Variants in QPCT observed in about 807,000 individuals in gnomAD.
QPCT encodes the protein EC.
Under a neutral mutation model 43.4 loss-of-function variants are expected in QPCT, and 44 were observed. The observed-to-expected ratio is 1.01, with a 90% confidence interval of 0.80 to 1.30. The LOEUF (loss-of-function observed/expected upper bound fraction) is 1.30, where lower values mean the gene tolerates loss of function less well. QPCT is among the 50% of genes most tolerant of loss of function. The pLI is 0.00. For missense variants in QPCT, 526 were observed against 436.5 expected (o/e 1.21, Z -1.83); for synonymous variants, 168 against 168.4 (o/e 1.00, Z 0.02).
chr2:37,356,235 C>T (rs1035658541), intron 2 of QPCT, among the ~76,000 whole-genome samples: 1 of 152,082 alleles, frequency 6.6e-6, no homozygotes, highest in Non-Finnish European at 1.5e-5. Flanking sequence ...CTTGTAACAG[C>T]CTCTCTCTCG....
At chr2:37,372,321 T>C (rs748722633) in intron 5 of QPCT, 35 bp from the exon 6 acceptor site, 1 of 1,387,206 alleles carries the variant, frequency 7.2e-7, no homozygotes, top group Non-Finnish European at 1.0e-6. Context: ...AAGATAAAAA[T>C]AGTTGTTCAT....
chr2:37,372,100 T>G (rs1673087995), intron 5 of QPCT, among the ~76,000 whole-genome samples: 1 of 152,108 alleles, frequency 6.6e-6, no homozygotes, highest in African/African-American at 2.4e-5. Flanking sequence ...TTCTGTGGAG[T>G]TTCTACCTCT....
intron 1 of QPCT, among the ~76,000 whole-genome samples, chr2:37,346,053 C>T (rs1179186821): frequency 6.6e-6 from 1 of 152,192 alleles, no homozygotes; most frequent in African/African-American, 2.4e-5. Flanking sequence ...AGACCTTTTA[C>T]ACACTTAGAG....
chr2:37,372,047 A>C (rs868183676), intron 5 of QPCT, among the ~76,000 whole-genome samples: 3 of 151,780 alleles, frequency 2.0e-5, no homozygotes, highest in Non-Finnish European at 2.9e-5. Context: ...GTCCCCTTCC[A>C]CCCACCTGTC....
In QPCT at chr2:37,345,862, TATGGGTTCACAATTAC is replaced by T. The variant is rs1005654480; in HGVS notation, c.120+1028_120+1043del. ...AAAAAAAAAAAAAAAAAAAGAAGTA[TATGGGTTCACAATTAC>T]ATGGGTTCACAATTACTTCCTTTTC... On this transcript the variant is annotated intron_variant, in intron 1 of 6. Transcript: ENST00000338415. Among the ~76,000 whole-genome samples the T allele has an allele frequency of 4.7e-5, 7 of 149,106 alleles. No individual in the cohort carries two copies. In the South Asian group the frequency reaches 6.4e-4, roughly 14 times the overall value.
At chr2:37,347,191 T>TAA (rs1398577762) in intron 1 of QPCT, among the ~76,000 whole-genome samples, 1 of 86,146 alleles carries the variant, frequency 1.2e-5, no homozygotes, top group South Asian at 3.6e-4. Flanking sequence ...CATATATATA[T>TAA]AACATATATA....
intron 3 of QPCT, among the ~76,000 whole-genome samples, chr2:37,360,931 G>C (rs1398555609): frequency 6.6e-6 from 1 of 152,198 alleles, no homozygotes; most frequent in African/African-American, 2.4e-5. Context: ...ACAAAATGAA[G>C]TATGACTTGA....
chr2:37,359,557 T>C (rs1382683311), intron 2 of QPCT, 23 bp from the exon 3 acceptor site: 1 of 1,579,060 alleles, frequency 6.3e-7, no homozygotes, highest in East Asian at 2.3e-5. Flanking sequence ...GATCTAAATT[T>C]TTTGTTTTTT....
intron 1 of QPCT, among the ~76,000 whole-genome samples, chr2:37,346,327 C>T (rs1394356897): frequency 2.0e-5 from 3 of 152,152 alleles, no homozygotes; most frequent in African/African-American, 7.2e-5. Flanking sequence ...TGAAGAAGAA[C>T]GTGGAATGAC....
chr2:37,362,164 C>A (rs1412167813), intron 3 of QPCT, among the ~76,000 whole-genome samples: 3 of 152,218 alleles, frequency 2.0e-5, no homozygotes, highest in Non-Finnish European at 1.5e-5. Context: ...GTCAAGCCTG[C>A]AAGAGATAAA....
At chr2:37,359,920 T>C (rs533454634) in intron 3 of QPCT, 62 bp downstream of exon 3, 1 of 1,519,866 alleles carries the variant, frequency 6.6e-7, no homozygotes, top group African/African-American at 1.4e-5. Context: ...TCAGAGTGAA[T>C]TCTAGAATCC....
intron 5 of QPCT, among the ~76,000 whole-genome samples, chr2:37,370,705 C>CCAGGT (rs1234146826): frequency 6.6e-6 from 1 of 152,120 alleles, no homozygotes; most frequent in African/African-American, 2.4e-5. Context: ...CTAGGCCAGA[C>CCAGGT]CAGGTCAGGT....
rs1338119793 is a variant in QPCT, at chr2:37,347,245, T to TAA, written c.120+2395_120+2396dup. 1.9e-3 allele frequency among the ~76,000 whole-genome samples: 206 copies of TAA among 108,118 alleles called. 28 individuals are homozygous for TAA. Among genetic ancestry groups the TAA allele is most frequent in the African/African-American group, 7.4e-3 (197 of 26,690 alleles). The allele number at this position is 108,118 out of a possible 152,430, so 70.9% of individuals were successfully genotyped here. On this transcript the variant is annotated intron_variant, in intron 1 of 6. Transcript: ENST00000338415. ...TATATATATAACATATATATATATA[T>TAA]AACATATATATATATACATCCACCT...
intron 2 of QPCT, among the ~76,000 whole-genome samples, chr2:37,358,477 A>C (rs145407630): frequency 1.1e-3 from 165 of 152,188 alleles, no homozygotes; most frequent in Middle Eastern, 6.8e-3. Flanking sequence ...AACAAACAAA[A>C]AACCAAGGAA....
At chr2:37,345,764 G>A (rs6708822) in intron 1 of QPCT, among the ~76,000 whole-genome samples, 148,158 of 151,412 alleles carry the variant, frequency 0.98, 72,506 homozygotes, top group East Asian at 1. Context: ...TGAACCCGGG[G>A]GGCGGAGCTT....
Position 37,347,220 on chromosome 2 carries a change from TATATATATAAC to T in QPCT, c.120+2379_120+2389del, listed in dbSNP as rs1418148401. ...ATATATATATAACATATATATAACA[TATATATATAAC>T]ATATATATATATATAACATATATAT... On this transcript the variant is annotated intron_variant, in intron 1 of 6. Coordinates refer to ENST00000338415, the MANE Select transcript of QPCT (RefSeq NM_012413.4). Among the ~76,000 whole-genome samples, 120 of 70,072 alleles carry T rather than the reference TATATATATAAC, an allele frequency of 1.7e-3. 1 individual carries two copies. Among genetic ancestry groups the T allele is most frequent in the Non-Finnish European group, 2.2e-3 (89 of 40,898 alleles). 46.0% of individuals were successfully genotyped at this position (70,072 alleles called of 152,430 possible).
chr2:37,353,019 G>C (rs45582034), intron 2 of QPCT, 84 bp downstream of exon 2: 2 of 1,463,924 alleles, frequency 1.4e-6, no homozygotes, highest in African/African-American at 2.8e-5. Context: ...AAGTTCTGAG[G>C]TGTCTAATAT....
chr2:37,348,131 T>C (rs145961953), intron 1 of QPCT, among the ~76,000 whole-genome samples: 272 of 152,198 alleles, frequency 1.8e-3, no homozygotes, highest in African/African-American at 6.4e-3. Context: ...CGACGGAGAC[T>C]CTCAGGCAGT....
At chr2:37,347,387 C>T (rs186512101) in intron 1 of QPCT, among the ~76,000 whole-genome samples, 3 of 150,642 alleles carry the variant, frequency 2.0e-5, no homozygotes, top group African/African-American at 7.3e-5. Context: ...GGCTTAAGCC[C>T]TGATCTCTCC....
Sources: allele counts gnomAD v4.1 joint callset (sites outside exome capture counted in the v4.1 genomes callset), GRCh38; gene constraint gnomAD v4.1.1; transcripts MANE v1.5; gene names NCBI Gene and HGNC (gene_info 2026-07-23, HGNC 2026-07-21).